Variants in ZBTB38 observed in about 807,000 individuals in gnomAD.
The protein encoded by ZBTB38 is zinc finger and BTB domain containing 38.
ZBTB38 carries 20 observed loss-of-function variants against 76.8 expected under a neutral mutation model. That is an observed-to-expected ratio of 0.26 (90% CI 0.18 to 0.38). ZBTB38 has a LOEUF of 0.38. Ranked by LOEUF, ZBTB38 falls within the 10% of genes least tolerant of loss-of-function variation. The pLI is 1.00. For missense variants in ZBTB38, 1,082 were observed against 1,482.3 expected (o/e 0.73, Z 4.43); for synonymous variants, 504 against 544.2 (o/e 0.93, Z 1.03).
chr3:141,344,455 A>T (rs1456161809), intron 1 of ZBTB38, among the ~76,000 whole-genome samples: 10 of 152,096 alleles, frequency 6.6e-5, no homozygotes. Flanking sequence ...TACAGCCTCA[A>T]CCTCCAAGGC....
chr3:141,428,020 C>T (rs2076727861), intron 5 of ZBTB38, among the ~76,000 whole-genome samples: 1 of 152,180 alleles, frequency 6.6e-6, no homozygotes, highest in Non-Finnish European at 1.5e-5. Context: ...CATGAAGGAT[C>T]CCAGGCCCAA....
chr3:141,402,741 C>G (rs936498224), intron 4 of ZBTB38: 5 of 152,104 alleles, frequency 3.3e-5, no homozygotes, highest in African/African-American at 7.2e-5. Context: ...CGCCGCATCC[C>G]GTGGCCCAAC....
intron 1 of ZBTB38, among the ~76,000 whole-genome samples, chr3:141,340,962 G>GAAAAGA (rs745536086): frequency 2.7e-4 from 35 of 131,680 alleles, no homozygotes; most frequent in African/African-American, 8.6e-4. Context: ...AAGAAAGAAA[G>GAAAAGA]AAAGAAAGAA....
At chr3:141,359,842 G>T (rs994574599) in intron 1 of ZBTB38, among the ~76,000 whole-genome samples, 18 of 152,026 alleles carry the variant, frequency 1.2e-4, no homozygotes, top group African/African-American at 4.4e-4. Context: ...GAGGTGGGAG[G>T]ATTGCTTGAG....
At chr3:141,418,308 C>T (rs1577249901) in intron 5 of ZBTB38, among the ~76,000 whole-genome samples, 1 of 152,312 alleles carries the variant, frequency 6.6e-6, no homozygotes, top group East Asian at 1.9e-4. Flanking sequence ...CCAAGTGTGT[C>T]ATTCTATTTC....
intron 1 of ZBTB38, among the ~76,000 whole-genome samples, chr3:141,357,665 G>C (rs113962490): frequency 0.028 from 4,259 of 152,198 alleles, 86 homozygotes; most frequent in Non-Finnish European, 0.044. Context: ...GAGTAGCTGG[G>C]ACTACAGGCA....
chr3:141,433,019 G>T (rs933698428), intron 5 of ZBTB38, among the ~76,000 whole-genome samples: 2 of 152,144 alleles, frequency 1.3e-5, no homozygotes, highest in Non-Finnish European at 2.9e-5. Context: ...CTGTTGGTCC[G>T]CCTGGTTTTT....
chr3:141,337,808 C>T (rs1943059242), intron 1 of ZBTB38, among the ~76,000 whole-genome samples: 1 of 152,186 alleles, frequency 6.6e-6, no homozygotes, highest in Non-Finnish European at 1.5e-5. Flanking sequence ...GTATTACTAG[C>T]TCATTTTTGC....
chr3:141,373,142 G>A (rs1297451354), intron 2 of ZBTB38, among the ~76,000 whole-genome samples: 1 of 152,154 alleles, frequency 6.6e-6, no homozygotes, highest in East Asian at 1.9e-4. Flanking sequence ...CAGCAAAGCA[G>A]GATTGTGTAC....
At chr3:141,384,627 G>A (rs188012361) in intron 3 of ZBTB38, among the ~76,000 whole-genome samples, 5 of 152,096 alleles carry the variant, frequency 3.3e-5, no homozygotes, top group East Asian at 1.9e-4. Flanking sequence ...ATAACTCAGC[G>A]TGATCATCTC....
intron 1 of ZBTB38, among the ~76,000 whole-genome samples, chr3:141,329,914 A>G (rs1942792661): frequency 6.6e-6 from 1 of 152,084 alleles, no homozygotes; most frequent in Non-Finnish European, 1.5e-5. Flanking sequence ...GGATTGCTTG[A>G]GCCCAAGAGT....
Position 141,447,373 on chromosome 3 carries a change from C to CTA in ZBTB38, c.*1397_*1398insTA. The stretch of plus-strand genomic sequence containing the variant: ...GTCTTCATATTTGCAGACATCTAGA[C>CTA]CCCTTGCTAAAAACCCACTGAAGTT... On this transcript the variant is annotated 3_prime_UTR_variant, in exon 6 of 6. Coordinates refer to ENST00000321464, the MANE Select transcript of ZBTB38 (RefSeq NM_001376113.1). 6.5e-6 allele frequency: 1 copy of CTA among 152,698 alleles called. No individual in the cohort carries two copies. Among genetic ancestry groups the CTA allele is most frequent in the East Asian group, 1.9e-4 (1 of 5,190 alleles). 9.5% of individuals were successfully genotyped at this position (152,698 alleles called of 1,614,324 possible). A position where few individuals can be genotyped will look rare whatever the true frequency, so the allele number is the denominator to read the frequency against.
At chr3:141,328,918 G>A (rs1942758271) in intron 1 of ZBTB38, among the ~76,000 whole-genome samples, 1 of 152,028 alleles carries the variant, frequency 6.6e-6, no homozygotes, top group Non-Finnish European at 1.5e-5. Flanking sequence ...TTCAACCCAA[G>A]CTCTCTTTGG....
At position 141,413,616 on chromosome 3, in the gene ZBTB38, G is replaced by T. The variant is rs1481118097; in HGVS notation, c.-1+9585G>T. ...AGGAAGGAGCATGATGTCAGCTCAG[G>T]ATACCGGAACCGATAAAAACTCAGT... On this transcript the variant is annotated intron_variant, in intron 5 of 5. Transcript: ENST00000321464. This position sits in a 1 kb window ranked among gnomAD's most constrained non-coding sequence, Gnocchi z 4.1. 6.6e-6 allele frequency among the ~76,000 whole-genome samples: 1 copy of T among 152,134 alleles called. No individual in the cohort carries two copies. Among genetic ancestry groups the T allele is most frequent in the Non-Finnish European group, 1.5e-5 (1 of 68,026 alleles).
intron 4 of ZBTB38, among the ~76,000 whole-genome samples, chr3:141,391,781 T>C (rs1948948460): frequency 6.6e-6 from 1 of 152,200 alleles, no homozygotes; most frequent in Non-Finnish European, 1.5e-5. Flanking sequence ...AGGGTTTGTC[T>C]CATCTCATCT....
chr3:141,395,560 T>C (rs937772920), intron 4 of ZBTB38, among the ~76,000 whole-genome samples: 3 of 152,202 alleles, frequency 2.0e-5, no homozygotes, highest in African/African-American at 7.2e-5. Context: ...AAGCAAATTT[T>C]CATAAATTTT....
At position 141,446,129 on chromosome 3, in the gene ZBTB38, T is replaced by G; in HGVS notation, c.*153T>G. ...TGTGAAAATTCCAGAAAAAGGATCC[T>G]AATATCTACTTTGGGTTTTAGCATT... On this transcript the variant is annotated 3_prime_UTR_variant, in exon 6 of 6. Coordinates refer to ENST00000321464, the MANE Select transcript of ZBTB38 (RefSeq NM_001376113.1). The G allele has an allele frequency of 3.6e-4, 235 of 649,156 alleles. No homozygotes were observed. The highest frequency in any genetic ancestry group is 4.8e-4 in the Non-Finnish European group (203 of 425,388). The allele number at this position is 649,156 out of a possible 1,614,324, so 40.2% of individuals were successfully genotyped here. A position where few individuals can be genotyped will look rare whatever the true frequency, so the allele number is the denominator to read the frequency against.
At chr3:141,406,083 A>C (rs1397189013) in intron 5 of ZBTB38, among the ~76,000 whole-genome samples, 3 of 152,234 alleles carry the variant, frequency 2.0e-5, no homozygotes, top group Admixed American at 6.5e-5. Flanking sequence ...CAACTGAGTT[A>C]GAACTGGTCT....
chr3:141,432,402 G>A (rs566373564), intron 5 of ZBTB38, among the ~76,000 whole-genome samples: 1 of 152,274 alleles, frequency 6.6e-6, no homozygotes, highest in South Asian at 2.1e-4. Context: ...GCTGGCAAGA[G>A]GGCTCTTGGC....
Sources: gnomAD v4.1 joint callset for allele counts (sites outside exome capture counted in the v4.1 genomes callset) on GRCh38, gnomAD v4.1.1 for gene constraint, Gnocchi (gnomAD v3.1) non-coding constraint, MANE v1.5 for transcripts, NCBI Gene and HGNC (gene_info 2026-07-23, HGNC 2026-07-21) for gene names.